Variants in NOS1AP observed in about 807,000 individuals in gnomAD.
NOS1AP encodes nitric oxide synthase 1 adaptor protein, also known as carboxyl-terminal PDZ ligand of neuronal nitric oxide synthase protein.
NOS1AP carries 21 observed loss-of-function variants against 56.2 expected under a neutral mutation model. The ratio of observed to expected loss-of-function variants is 0.37; its 90% CI spans 0.26 to 0.54. NOS1AP has a LOEUF of 0.54. NOS1AP is among the 20% of genes least tolerant of loss of function. The pLI, the probability that NOS1AP is intolerant of heterozygous loss-of-function variation, is 0.84. For synonymous variants in NOS1AP, 270 were observed against 274.6 expected, an observed-to-expected ratio of 0.98 and a Z score of 0.17; for missense variants, 522 against 657.8, an observed-to-expected ratio of 0.79 and a Z score of 2.26.
At chr1:162,199,441 GTCCTC>G (rs1354936296) in intron 2 of NOS1AP, among the ~76,000 whole-genome samples, 5 of 152,216 alleles carry the variant, frequency 3.3e-5, no homozygotes, top group Admixed American at 3.3e-4. Flanking sequence ...CCATGTCCCT[GTCCTC>G]TCCACTGTGT....
At chr1:162,223,209 C>T (rs986352940) in intron 2 of NOS1AP, among the ~76,000 whole-genome samples, 9 of 152,186 alleles carry the variant, frequency 5.9e-5, no homozygotes, top group African/African-American at 2.2e-4. Flanking sequence ...AATCTAGTTA[C>T]AGAATTTTCT....
At chr1:162,239,667 C>CCTGGGGAT (rs1209964117) in intron 2 of NOS1AP, among the ~76,000 whole-genome samples, 1 of 152,032 alleles carries the variant, frequency 6.6e-6, no homozygotes, top group Non-Finnish European at 1.5e-5. Flanking sequence ...CCCTAAGTAA[C>CCTGGGGAT]CTGGGGATGT....
chr1:162,289,469 C>CTTT (rs60010458), intron 3 of NOS1AP, among the ~76,000 whole-genome samples: 1 of 85,450 alleles, frequency 1.2e-5, no homozygotes, highest in African/African-American at 5.0e-5. Context: ...AGCTACTTTT[C>CTTT]TTTTTTTTTT....
intron 2 of NOS1AP, among the ~76,000 whole-genome samples, chr1:162,159,542 C>A (rs1650110767): frequency 6.6e-6 from 1 of 152,160 alleles, no homozygotes; most frequent in Non-Finnish European, 1.5e-5. Flanking sequence ...CTTTTAATAG[C>A]TAGCGCCTTT....
At chr1:162,359,686 T>C (rs1657824488) in intron 8 of NOS1AP, among the ~76,000 whole-genome samples, 1 of 151,624 alleles carries the variant, frequency 6.6e-6, no homozygotes, top group African/African-American at 2.4e-5. Context: ...ACATTTGAAA[T>C]AGACCAAGTA....
chr1:162,320,950 T>A (rs929476713), intron 4 of NOS1AP, among the ~76,000 whole-genome samples: 5 of 152,156 alleles, frequency 3.3e-5, no homozygotes, highest in African/African-American at 1.2e-4. Flanking sequence ...CACTTTTTTT[T>A]AAGGTTTGCC....
At chr1:162,209,357 T>C (rs6678925) in intron 2 of NOS1AP, among the ~76,000 whole-genome samples, 125,756 of 152,208 alleles carry the variant, frequency 0.83, 52,310 homozygotes, top group East Asian at 0.88. Context: ...GACTGAAGTG[T>C]GTGTATAAAT....
chr1:162,240,243 C>CTG (rs1653446639), intron 2 of NOS1AP, among the ~76,000 whole-genome samples: 1 of 79,870 alleles, frequency 1.3e-5, no homozygotes, highest in Admixed American at 1.2e-4. Context: ...ACTGTGTGGC[C>CTG]AGTGTGTGTG....
intron 1 of NOS1AP, among the ~76,000 whole-genome samples, chr1:162,072,103 T>C (rs936413884): frequency 1.3e-5 from 2 of 150,640 alleles, no homozygotes; most frequent in African/African-American, 2.4e-5. Context: ...GATAGATAGA[T>C]AGATAGATAG....
In NOS1AP at chr1:162,158,962, C is replaced by A. The variant is rs576402611; in HGVS notation, c.177+4486C>A. On this transcript the variant is annotated intron_variant, in intron 2 of 9. Transcript: ENST00000361897. ...TTTCTTTTAGCTGTATAGCTTAGAA[C>A]AATTCACAAAGTTTTCAGGGAAGTT... Among the ~76,000 whole-genome samples, 4 of 152,310 alleles carry A rather than the reference C, an allele frequency of 2.6e-5. No homozygotes were observed. The South Asian group carries it at 6.2e-4, about 24-fold the overall frequency.
chr1:162,318,685 C>T (rs980000811), intron 4 of NOS1AP, among the ~76,000 whole-genome samples: 5 of 152,028 alleles, frequency 3.3e-5, no homozygotes, highest in African/African-American at 9.7e-5. Flanking sequence ...GTCGTATTTC[C>T]TATGGCTTCA....
chr1:162,097,823 C>T (rs1028956974), intron 1 of NOS1AP, among the ~76,000 whole-genome samples: 6 of 152,036 alleles, frequency 3.9e-5, no homozygotes, highest in African/African-American at 1.4e-4. Flanking sequence ...TATTCTTGGG[C>T]CTCCCTTTGC....
chr1:162,089,276 A>G (rs988236572), intron 1 of NOS1AP, among the ~76,000 whole-genome samples: 4 of 152,188 alleles, frequency 2.6e-5, no homozygotes, highest in Non-Finnish European at 4.4e-5. Context: ...TTTTGTCCAC[A>G]CTGAGAATTC....
At chr1:162,182,507 C>G (rs747292538) in intron 2 of NOS1AP, among the ~76,000 whole-genome samples, 14 of 152,202 alleles carry the variant, frequency 9.2e-5, no homozygotes, top group Non-Finnish European at 2.1e-4. Flanking sequence ...AAATTTGCTG[C>G]AAGGATTGAG....
chr1:162,227,185 T>TC (rs1233093545), intron 2 of NOS1AP, among the ~76,000 whole-genome samples: 1 of 152,172 alleles, frequency 6.6e-6, no homozygotes, highest in Non-Finnish European at 1.5e-5. Flanking sequence ...TTCCAGTCTT[T>TC]CCCCCGCTGT....
intron 2 of NOS1AP, among the ~76,000 whole-genome samples, chr1:162,207,112 T>C (rs763386456): frequency 6.6e-6 from 1 of 152,236 alleles, no homozygotes; most frequent in Non-Finnish European, 1.5e-5. Flanking sequence ...AATGTGCTAG[T>C]GAAAAGAAGC....
chr1:162,294,224 G>GAAGGAAGGAGGA (rs1297513880), intron 3 of NOS1AP, among the ~76,000 whole-genome samples: 1 of 149,738 alleles, frequency 6.7e-6, no homozygotes, highest in African/African-American at 2.5e-5. Flanking sequence ...AGGAAGGAAG[G>GAAGGAAGGAGGA]AAGAAAGAAA....
At chr1:162,325,249 C>A (rs559287072) in intron 4 of NOS1AP, among the ~76,000 whole-genome samples, 1 of 151,924 alleles carries the variant, frequency 6.6e-6, no homozygotes, top group Non-Finnish European at 1.5e-5. Flanking sequence ...GAACAGTGAT[C>A]AAGATGGGAG....
At chr1:162,089,772 C>G (rs780688930) in intron 1 of NOS1AP, among the ~76,000 whole-genome samples, 30 of 152,308 alleles carry the variant, frequency 2.0e-4, no homozygotes, top group Non-Finnish European at 4.4e-4. Context: ...CTGGCAGCCT[C>G]CAGCAGCTGG....
Sources: gnomAD v4.1 joint callset for allele counts (sites outside exome capture counted in the v4.1 genomes callset) on GRCh38, gnomAD v4.1.1 for gene constraint, MANE v1.5 for transcripts, NCBI Gene and HGNC (gene_info 2026-07-23, HGNC 2026-07-21) for gene names.